Variants in IDO1 observed in about 807,000 individuals in gnomAD.
IDO1 encodes the protein indoleamine 2,3-dioxygenase 1, also known as indolamine 2,3 dioxygenase.
IDO1 carries 35 observed loss-of-function variants against 38.8 expected under a neutral mutation model. The ratio of observed to expected loss-of-function variants is 0.90; its 90% CI spans 0.69 to 1.20. The LOEUF is 1.20. Among genes scored for constraint, IDO1 ranks in the 50% most tolerant of loss-of-function variants. The pLI is 0.00. For synonymous variants in IDO1, 171 were observed against 170.0 expected, an observed-to-expected ratio of 1.01 and a Z score of -0.05; for missense variants, 509 against 485.1, an observed-to-expected ratio of 1.05 and a Z score of -0.46.
intron 3 of IDO1, among the ~76,000 whole-genome samples, chr8:39,918,600 G>A (rs1444876961): frequency 1.3e-5 from 2 of 151,748 alleles, no homozygotes; most frequent in Admixed American, 1.3e-4. Flanking sequence ...ACAAAAAATA[G>A]CCAGGCATGG....
chr8:39,923,511 G>A lies in IDO1; in HGVS notation c.580G>A (p.Asp194Asn). The A allele has an allele frequency of 6.2e-7, 1 of 1,613,498 alleles. No individual in the cohort carries two copies. ...VFKAMQMQER[D>N]TLLKALLEIA... The stretch of plus-strand genomic sequence containing the variant: ...CAAGGCAATGCAAATGCAAGAACGG[G>A]ACACTTTGCTAAAGGCGCTGTTGGA... Residue 194 changes from aspartate to asparagine, a missense_variant, in exon 7 of 10, where the codon GAC becomes AAC. Physicochemically the swap from Asp to Asn is conservative, Grantham distance 23. Coordinates refer to ENST00000518237, the MANE Select transcript of IDO1 (RefSeq NM_002164.6).
intron 6 of IDO1, among the ~76,000 whole-genome samples, 194 bp from the exon 7 acceptor site, chr8:39,923,275 G>A (rs111688925): frequency 2.6e-5 from 4 of 152,164 alleles, no homozygotes; most frequent in African/African-American, 7.2e-5. Context: ...ATGGTGGTGG[G>A]CACCTGTAGT....
At position 39,918,871 on chromosome 8, in the gene IDO1, G is replaced by A; in HGVS notation, c.360G>A (p.Leu120=). Residue 120 remains leucine (L), a synonymous_variant, in exon 4 of 10, where the codon CTG becomes CTA. Coordinates refer to ENST00000518237, the MANE Select transcript of IDO1 (RefSeq NM_002164.6). ...PYCQLSKKLE[L]PPILVYADCV... Reference sequence around the variant, plus strand: ...GCCAACTCTCCAAGAAACTGGAACTGCCTCCTATTTTGGTTTATGCAGACT... The same window carrying A: ...GCCAACTCTCCAAGAAACTGGAACTACCTCCTATTTTGGTTTATGCAGACT... The A allele has an allele frequency of 6.2e-7, 1 of 1,613,236 alleles. No homozygotes were observed. The highest frequency in any genetic ancestry group is 8.5e-7 in the Non-Finnish European group (1 of 1,179,572).
At chr8:39,923,112 G>C (rs572282051) in intron 6 of IDO1, among the ~76,000 whole-genome samples, 4 of 152,092 alleles carry the variant, frequency 2.6e-5, no homozygotes, top group African/African-American at 7.2e-5. Context: ...GGATTAAGAC[G>C]GGGGAATTTG....
In IDO1 at chr8:39,918,808, T is replaced by C. The variant is rs1475713535; in HGVS notation, c.304-7T>C. 1.6e-5 allele frequency: 24 copies of C among 1,474,218 alleles called. No homozygotes were observed. The highest frequency in any genetic ancestry group is 2.2e-5 in the Non-Finnish European group (23 of 1,053,498). The allele number at this position is 1,474,218 out of a possible 1,614,324, so 91.3% of individuals were successfully genotyped here. A position where few individuals can be genotyped will look rare whatever the true frequency, so the allele number is the denominator to read the frequency against. ...AACAAAAAACCTAACTACTGTATTT[T>C]AATCAGGTCTTGCCAAGAAATATTG... On this transcript the variant is annotated splice_polypyrimidine_tract_variant and splice_region_variant and intron_variant, in intron 3 of 9. Coordinates refer to ENST00000518237, the MANE Select transcript of IDO1 (RefSeq NM_002164.6).
At chr8:39,915,161 C>T (rs1807156510) in intron 1 of IDO1, among the ~76,000 whole-genome samples, 1 of 152,128 alleles carries the variant, frequency 6.6e-6, no homozygotes, top group Non-Finnish European at 1.5e-5. Flanking sequence ...TGCCAGAGGC[C>T]AGTATGAGCC....
At chr8:39,924,366 A>C (rs61049080) in intron 7 of IDO1, among the ~76,000 whole-genome samples, 16 of 152,108 alleles carry the variant, frequency 1.1e-4, no homozygotes, top group African/African-American at 3.9e-4. Flanking sequence ...GTCTCCAAAC[A>C]ATTTTTAAAA....
In IDO1 at chr8:39,925,296, G is replaced by T. The variant is rs368545447; in HGVS notation, c.781G>T (p.Gly261Trp). The change falls in exon 9 of 10, where the codon GGG (glycine) becomes TGG (tryptophan). Residue 261 changes from glycine to tryptophan, a missense_variant. Transcript: ENST00000518237. ...GFWEDPKEFA[G>W]GSAGQSSVFQ... ...CTGGGAAGACCCAAAGGAGTTTGCA[G>T]GGGGCAGTGCAGGCCAAAGCAGCGT... 6.2e-7 allele frequency: 1 copy of T among 1,613,234 alleles called. No individual in the cohort carries two copies. The highest frequency in any genetic ancestry group is 1.3e-5 in the African/African-American group (1 of 75,056).
At chr8:39,924,485 T>C (rs1278983855) in intron 7 of IDO1, among the ~76,000 whole-genome samples, 3 of 152,202 alleles carry the variant, frequency 2.0e-5, no homozygotes, top group African/African-American at 7.2e-5. Context: ...GTTTACTTGT[T>C]ACGTCAGTAA....
At chr8:39,924,152 T>G (rs956445622) in intron 7 of IDO1, among the ~76,000 whole-genome samples, 5 of 152,112 alleles carry the variant, frequency 3.3e-5, no homozygotes, top group African/African-American at 1.2e-4. Context: ...TGTTTCTCTC[T>G]GGGTTTTGAG....
chr8:39,925,503 G>T, intron 9 of IDO1, 132 bp downstream of exon 9: 1 of 891,160 alleles, frequency 1.1e-6, no homozygotes, highest in Middle Eastern at 3.7e-4. Context: ...GGCAAGTAGG[G>T]ATTTGGTTGC....
rs759243166 is a variant in IDO1 at position 39,923,528 on chromosome 8, G to T, written c.597G>T (p.Ala199=). The change falls in exon 7 of 10, where the codon GCG becomes GCT. Residue 199 remains alanine (A), a synonymous_variant. Transcript: ENST00000518237. ...QMQERDTLLK[A]LLEIASCLEK... Reference sequence around the variant, plus strand: ...AAGAACGGGACACTTTGCTAAAGGCGCTGTTGGAAATAGCTTCTTGCTTGG... The same window carrying T: ...AAGAACGGGACACTTTGCTAAAGGCTCTGTTGGAAATAGCTTCTTGCTTGG... The T allele has an allele frequency of 6.2e-7, 1 of 1,612,948 alleles. No individual in the cohort carries two copies. Among genetic ancestry groups the T allele is most frequent in the Non-Finnish European group, 8.5e-7 (1 of 1,179,680 alleles).
At chr8:39,919,633 G>T (rs2129592223) in intron 4 of IDO1, among the ~76,000 whole-genome samples, 2 of 152,268 alleles carry the variant, frequency 1.3e-5, no homozygotes, top group Admixed American at 1.3e-4. Flanking sequence ...ATCATAAAAT[G>T]AAAGGATTCA....
At position 39,922,599 on chromosome 8, in the gene IDO1, G is replaced by T. The variant is rs959237540; in HGVS notation, c.485G>T (p.Gly162Val). Reference protein sequence around the residue: ...FSFRDGDCSKGFFLVSLLVEI... With the variant: ...FSFRDGDCSKVFFLVSLLVEI... ...TTTCGTGATGGAGACTGCAGTAAAG[G>T]ATTCTTCCTGGTCTCTCTATTGGTG... Residue 162 changes from glycine to valine, a missense_variant, in exon 6 of 10, where the codon GGA becomes GTA. Gly to Val is a moderately radical substitution (Grantham distance 109, BLOSUM62 -3). Coordinates refer to ENST00000518237, the MANE Select transcript of IDO1 (RefSeq NM_002164.6). The T allele has an allele frequency of 5.0e-6, 8 of 1,613,628 alleles. No homozygotes were observed. The African/African-American group carries it at 1.1e-4, about 22-fold the overall frequency.
chr8:39,924,860 G>A, intron 8 of IDO1, 88 bp downstream of exon 8: 1 of 964,188 alleles, frequency 1.0e-6, no homozygotes, highest in African/African-American at 1.6e-5. Context: ...TATCCATTGG[G>A]TTTGGCTAAC....
chr8:39,926,514 T>C (rs1255037044), intron 9 of IDO1, among the ~76,000 whole-genome samples: 2 of 152,188 alleles, frequency 1.3e-5, no homozygotes, highest in South Asian at 2.1e-4. Context: ...ATTCATTGTA[T>C]GCCTTCTAGG....
rs1807343629 is a variant in IDO1, at chr8:39,925,313, A to G, written c.798A>G (p.Gln266=). 1 of 1,613,108 alleles carries G rather than the reference A, an allele frequency of 6.2e-7. No individual in the cohort carries two copies. Among genetic ancestry groups the G allele is most frequent in the African/African-American group, 1.3e-5 (1 of 74,920 alleles). The change falls in exon 9 of 10, where the codon CAA becomes CAG. Residue 266 remains glutamine (Q), a synonymous_variant. Transcript: ENST00000518237. ...AGTTTGCAGGGGGCAGTGCAGGCCA[A>G]AGCAGCGTCTTTCAGTGCTTTGACG... ...PKEFAGGSAG[Q]SSVFQCFDVL...
At chr8:39,924,907 T>C in intron 8 of IDO1, 135 bp downstream of exon 8, 3 of 734,740 alleles carry the variant, frequency 4.1e-6, no homozygotes, top group Admixed American at 4.1e-5. Context: ...AGAAAAATAC[T>C]AGACTGTTCT....
At position 39,928,252 on chromosome 8, in the gene IDO1, T is replaced by G. The variant is rs1159511544; in HGVS notation, c.*67T>G. The G allele has an allele frequency of 2.7e-6, 3 of 1,123,692 alleles. No homozygotes were observed. In the East Asian group the frequency reaches 7.6e-5, roughly 28 times the overall value. The allele number at this position is 1,123,692 out of a possible 1,614,324, so 69.6% of individuals were successfully genotyped here. A position where few individuals can be genotyped will look rare whatever the true frequency, so the allele number is the denominator to read the frequency against. On this transcript the variant is annotated 3_prime_UTR_variant, in exon 10 of 10. Coordinates refer to ENST00000518237, the MANE Select transcript of IDO1 (RefSeq NM_002164.6). ...TGTATGCATTCCTGTCATTACCCAT[T>G]GTAACAGAGCCACAAACTAATACTA...
Sources: allele counts gnomAD v4.1 joint callset (sites outside exome capture counted in the v4.1 genomes callset), GRCh38; gene constraint gnomAD v4.1.1; transcripts MANE v1.5; gene names NCBI Gene and HGNC (gene_info 2026-07-23, HGNC 2026-07-21).